INPP5F: variants seen among roughly 807,000 people sequenced by gnomAD.
INPP5F encodes the protein inositol polyphosphate-5-phosphatase F.
In INPP5F, 97 loss-of-function variants were observed where a neutral mutation model predicts 137.2. The observed-to-expected ratio is 0.71, with a 90% CI of 0.60 to 0.84. The LOEUF (loss-of-function observed/expected upper bound fraction) is 0.84. Among genes scored for constraint, INPP5F ranks in the 40% least tolerant of loss-of-function variants. INPP5F has a pLI of 0.00. For missense variants in INPP5F, 1,271 were observed against 1,371.9 expected (o/e 0.93, Z 1.16); for synonymous variants, 504 against 476.9 (o/e 1.06, Z -0.74).
intron 10 of INPP5F, 110 bp downstream of exon 10, chr10:119,804,407 T>A: frequency 1.1e-6 from 1 of 944,328 alleles, no homozygotes; most frequent in Non-Finnish European, 1.5e-6. Context: ...TTCTTCTCAT[T>A]GTTGGAAAGA....
At chr10:119,751,219 C>CT in intron 2 of INPP5F, 63 bp downstream of exon 2, 1 of 992,344 alleles carries the variant, frequency 1.0e-6, no homozygotes, top group Non-Finnish European at 1.6e-6. Context: ...GTGTTTTCCT[C>CT]TTTGAGGATA....
At position 119,827,948 on chromosome 10, in the gene INPP5F, G is replaced by A; in HGVS notation, c.*168G>A. The A allele has an allele frequency of 1.7e-6, 1 of 584,670 alleles. No individual in the cohort carries two copies. Among genetic ancestry groups the A allele is most frequent in the South Asian group, 2.1e-5 (1 of 48,562 alleles). 36.2% of individuals were successfully genotyped at this position (584,670 alleles called of 1,614,324 possible). A position where few individuals can be genotyped will look rare whatever the true frequency, so the allele number is the denominator to read the frequency against. On this transcript the variant is annotated 3_prime_UTR_variant, in exon 20 of 20. Coordinates refer to ENST00000650623, the MANE Select transcript of INPP5F (RefSeq NM_014937.4). ...AGTAGATTTCCAAATTTTACAGCCAGGACTACAGAAGTGCATCATTCTAGA... is the reference window on the plus strand; with the variant it reads ...AGTAGATTTCCAAATTTTACAGCCAAGACTACAGAAGTGCATCATTCTAGA...
intron 2 of INPP5F, among the ~76,000 whole-genome samples, chr10:119,778,896 G>A (rs1444668663): frequency 6.6e-6 from 1 of 152,066 alleles, no homozygotes; most frequent in African/African-American, 2.4e-5. Context: ...TTATTTTAAC[G>A]GATATGTGAA....
At chr10:119,812,594 T>G (rs1851086190) in intron 15 of INPP5F, among the ~76,000 whole-genome samples, 1 of 152,152 alleles carries the variant, frequency 6.6e-6, no homozygotes. Flanking sequence ...ATACGTTTTG[T>G]GTGTTTTTAG....
intron 1 of INPP5F, among the ~76,000 whole-genome samples, chr10:119,729,094 T>C (rs1337601552): frequency 6.6e-6 from 1 of 151,586 alleles, no homozygotes; most frequent in African/African-American, 2.4e-5. Flanking sequence ...AAAAATAAGA[T>C]GTTGTATTAT....
intron 13 of INPP5F, among the ~76,000 whole-genome samples, chr10:119,809,096 G>A (rs1227826554): frequency 2.6e-5 from 4 of 152,036 alleles, no homozygotes; most frequent in African/African-American, 4.8e-5. Flanking sequence ...GGTGGCGTGC[G>A]CCTGTAATCC....
In INPP5F at chr10:119,748,599, G is replaced by C. The variant is rs1453524720; in HGVS notation, c.98-2477G>C. 6.6e-6 allele frequency among the ~76,000 whole-genome samples: 1 copy of C among 152,294 alleles called. No individual in the cohort carries two copies. Among genetic ancestry groups the C allele is most frequent in the African/African-American group, 2.4e-5 (1 of 41,556 alleles). ...CTGAAGTGGGTAGCTCCTTTTTGCA[G>C]GCAGGTCATCCAATGAGGAGACCCG... On this transcript the variant is annotated intron_variant, in intron 1 of 19. Coordinates refer to ENST00000650623, the MANE Select transcript of INPP5F (RefSeq NM_014937.4). The surrounding 1 kb of genome is among the most constrained non-coding windows in gnomAD (Gnocchi z 4.7).
intron 2 of INPP5F, among the ~76,000 whole-genome samples, chr10:119,755,600 A>G (rs1056404635): frequency 6.6e-6 from 1 of 152,218 alleles, no homozygotes. Flanking sequence ...TCATTACAAA[A>G]GCATGTCAAA....
Position 119,808,068 on chromosome 10 carries a change from C to T in INPP5F, c.1569+8C>T. ...GGGACAGCTGCTCTGAAGGTAAATA[C>T]TTGCAGGAAGCATCTGTGGGTCATT... On this transcript the variant is annotated splice_region_variant and intron_variant, in intron 13 of 19. Transcript: ENST00000650623. 1 of 1,608,326 alleles carries T rather than the reference C, an allele frequency of 6.2e-7. No individual in the cohort carries two copies. The highest frequency in any genetic ancestry group is 8.5e-7 in the Non-Finnish European group (1 of 1,178,026).
chr10:119,822,503 A>C lies in INPP5F; in HGVS notation c.2031A>C (p.Ile677=). The stretch of plus-strand genomic sequence containing the variant: ...TAGAAAACCTGGAAAAAATTGAAAT[A>C]GGTAAGTTTTAACATACTAATCAAG... ...LSLENLEKIE[I]GPEPTLFGKP... is the part of the protein sequence containing the mutation. Residue 677 remains isoleucine (I), a splice_region_variant and synonymous_variant, in exon 17 of 20, where the codon ATA becomes ATC. Transcript: ENST00000650623. 6.9e-7 allele frequency: 1 copy of C among 1,458,230 alleles called. No individual in the cohort carries two copies. Among genetic ancestry groups the C allele is most frequent in the Non-Finnish European group, 9.5e-7 (1 of 1,056,080 alleles). 90.3% of individuals were successfully genotyped at this position (1,458,230 alleles called of 1,614,324 possible).
intron 1 of INPP5F, among the ~76,000 whole-genome samples, chr10:119,732,082 T>C (rs569377441): frequency 3.2e-4 from 42 of 131,030 alleles, no homozygotes; most frequent in African/African-American, 1.2e-3. Flanking sequence ...CAGGCTGGAG[T>C]GTGGTGGCAT....
chr10:119,781,794 AT>A, intron 3 of INPP5F, 23 bp downstream of exon 3: 1 of 1,565,298 alleles, frequency 6.4e-7, no homozygotes, highest in South Asian at 1.2e-5. Context: ...AAGGGAAATT[AT>A]ATGGAAACCT....
intron 12 of INPP5F, among the ~76,000 whole-genome samples, chr10:119,807,683 T>C (rs1042254863): frequency 1.3e-4 from 20 of 152,202 alleles, no homozygotes; most frequent in Non-Finnish European, 1.9e-4. Flanking sequence ...CAAAATATAA[T>C]AGTATGATCC....
intron 3 of INPP5F, among the ~76,000 whole-genome samples, chr10:119,785,354 C>T (rs1475445001): frequency 2.8e-5 from 4 of 144,438 alleles, no homozygotes; most frequent in Admixed American, 2.2e-4. Flanking sequence ...GGCACGATCT[C>T]GGCTCACTGC....
chr10:119,743,808 C>T (rs1167813939), intron 1 of INPP5F, among the ~76,000 whole-genome samples: 1 of 151,984 alleles, frequency 6.6e-6, no homozygotes, highest in Admixed American at 6.6e-5. Flanking sequence ...GTTTCTTTCA[C>T]AATATTAATG....
intron 1 of INPP5F, among the ~76,000 whole-genome samples, chr10:119,743,960 TTA>T (rs1298942215): frequency 6.6e-6 from 1 of 152,170 alleles, no homozygotes; most frequent in Non-Finnish European, 1.5e-5. Flanking sequence ...GCATGAGATT[TTA>T]AAAAGTAAGA....
intron 1 of INPP5F, among the ~76,000 whole-genome samples, chr10:119,745,815 C>G (rs1848515371): frequency 6.6e-6 from 1 of 150,638 alleles, no homozygotes; most frequent in Admixed American, 6.6e-5. Context: ...AGCGATTCTC[C>G]TGCCTTAGCC....
intron 1 of INPP5F, 70 bp from the exon 2 acceptor site, chr10:119,751,006 T>C: frequency 2.0e-6 from 2 of 1,006,862 alleles, no homozygotes; most frequent in Non-Finnish European, 1.6e-6. Context: ...TTCAATACAC[T>C]GCTAAAGATA....
In INPP5F at chr10:119,806,374, G is replaced by T; in HGVS notation, c.1334G>T (p.Gly445Val). 2 of 1,574,118 alleles carry T rather than the reference G, an allele frequency of 1.3e-6. No individual in the cohort carries two copies. The part of the protein sequence containing the change: ...DMKWCWVDEA[G>V]VICKQEGIFR... The stretch of plus-strand genomic sequence containing the variant: ...TTTTTAAAAAGGGTTGATGAAGCTG[G>T]GGTAATATGTAAGCAGGAAGGGATT... The change falls in exon 12 of 20, where the codon GGG becomes GTG. Residue 445 changes from glycine to valine, a missense_variant. By Grantham distance (109) the Gly-to-Val change is moderately radical. This residue lies in a region of INPP5F where 593 missense variants were observed against 712.4 expected (regional missense o/e 0.83). Coordinates refer to ENST00000650623, the MANE Select transcript of INPP5F (RefSeq NM_014937.4).
Sources: allele counts gnomAD v4.1 joint callset (sites outside exome capture counted in the v4.1 genomes callset), GRCh38; gene constraint gnomAD v4.1.1; regional missense constraint gnomAD v4.1.1; non-coding constraint Gnocchi (gnomAD v3.1); transcripts MANE v1.5; gene names NCBI Gene and HGNC (gene_info 2026-07-23, HGNC 2026-07-21).